SART1: variants seen among roughly 807,000 people sequenced by gnomAD.
The protein encoded by SART1 is spliceosome associated factor 1, recruiter of U4/U6.U5 tri-snRNP.
In SART1, 28 loss-of-function variants were observed where a neutral mutation model predicts 105.0. The observed-to-expected ratio is 0.27, with a 90% CI of 0.20 to 0.37. SART1 has a LOEUF of 0.37. SART1 is among the 10% of genes least tolerant of loss of function. The pLI is 1.00. For synonymous variants in SART1, 472 were observed against 462.9 expected, an observed-to-expected ratio of 1.02 and a Z score of -0.25; for missense variants, 894 against 1,106.5, an observed-to-expected ratio of 0.81 and a Z score of 2.72.
chr11:65,961,829 A>G lies in SART1; in HGVS notation c.49A>G (p.Thr17Ala). The change falls in exon 1 of 20, where the codon ACG (threonine) becomes GCG (alanine). Residue 17 changes from threonine (T) to alanine (A), a missense_variant. Physicochemically the swap from Thr to Ala is moderately conservative, Grantham distance 58. Transcript: ENST00000312397. The stretch of plus-strand genomic sequence containing the variant: ...CGGAGAGAAGGAGGCGGCCGGGACG[A>G]CGGCGGCGGCCGGCACCGGGGGTGC... ...HRGEKEAAGTTAAAGTGGATE... is the reference protein window; with the variant it reads ...HRGEKEAAGTAAAAGTGGATE... 4 of 1,567,350 alleles carry G rather than the reference A, an allele frequency of 2.6e-6. No homozygotes were observed. Among genetic ancestry groups the G allele is most frequent in the Non-Finnish European group, 3.4e-6 (4 of 1,162,574 alleles).
chr11:65,962,134 G>GGGGGGGGGCCCC, intron 1 of SART1, 41 bp downstream of exon 1: 1 of 378,092 alleles, frequency 2.6e-6, no homozygotes, highest in Non-Finnish European at 4.8e-6. Context: ...GTCGGGCGGG[G>GGGGGGGGGCCCC]GTCCCGGAAC....
At position 65,964,250 on chromosome 11, in the gene SART1, A is replaced by G. The variant is rs755048162; in HGVS notation, c.371+119A>G. On this transcript the variant is annotated intron_variant, in intron 2 of 19. Coordinates refer to ENST00000312397, the MANE Select transcript of SART1 (RefSeq NM_005146.5). ...AATCAGAGTTGGAAAGATTGTTTAA[A>G]TCATCTTAGCCAACAGTTGACTTAT... 93 of 981,440 alleles carry G rather than the reference A, an allele frequency of 9.5e-5. 1 individual carries two copies. The South Asian group carries it at 1.1e-3, about 11-fold the overall frequency. The allele number at this position is 981,440 out of a possible 1,614,324, so 60.8% of individuals were successfully genotyped here. A position where few individuals can be genotyped will look rare whatever the true frequency, so the allele number is the denominator to read the frequency against.
At chr11:65,977,206 A>T (rs1464517640) in intron 15 of SART1, 105 bp downstream of exon 15, 5 of 802,426 alleles carry the variant, frequency 6.2e-6, no homozygotes, top group Non-Finnish European at 1.0e-5. Context: ...CTCAGTCCCA[A>T]TGCTGGAGCC....
Sources: allele counts gnomAD v4.1 joint callset, GRCh38; gene constraint gnomAD v4.1.1; transcripts MANE v1.5; gene names NCBI Gene and HGNC (gene_info 2026-07-23, HGNC 2026-07-21).